COG8: variants seen among roughly 807,000 people sequenced by gnomAD.
The protein encoded by COG8 is component of oligomeric golgi complex 8, also known as conserved oligomeric Golgi complex subunit 8.
Under a neutral mutation model 46.5 loss-of-function variants are expected in COG8, and 45 were observed. That is an observed-to-expected ratio of 0.97 (90% CI 0.76 to 1.24). The LOEUF is 1.24. Among genes scored for constraint, COG8 ranks in the 50% most tolerant of loss-of-function variants. The pLI is 0.00. For missense variants in COG8, 793 were observed against 820.8 expected (o/e 0.97, Z 0.41); for synonymous variants, 407 against 347.8 (o/e 1.17, Z -1.90).
intron 5 of COG8, chr16:69,330,219 C>A (rs2011681192): frequency 2.8e-6 from 4 of 1,452,056 alleles, no homozygotes; most frequent in Non-Finnish European, 3.6e-6. Flanking sequence ...TGCCGCGGCA[C>A]CCCCAGCTGC....
rs1401929406 is a variant in COG8 at position 69,335,401 on chromosome 16, C to T, written c.586-53G>A. 5.6e-6 allele frequency: 8 copies of T among 1,420,440 alleles called. 1 individual carries two copies. In the East Asian group the frequency reaches 7.4e-5, roughly 13 times the overall value. The allele number at this position is 1,420,440 out of a possible 1,614,324, so 88.0% of individuals were successfully genotyped here. ...GCGCTGGGAAGGATGCTCTCTAGAA[C>T]CCATTCCCCTAACTCTGAAGACTGC... is the stretch of plus-strand genomic sequence containing the variant. On this transcript the variant is annotated intron_variant, in intron 2 of 5. Coordinates refer to ENST00000306875, the MANE Select transcript of COG8 (RefSeq NM_032382.5).
At chr16:69,330,107 T>C in intron 5 of COG8, 1 of 1,583,242 alleles carries the variant, frequency 6.3e-7, no homozygotes, top group Non-Finnish European at 8.6e-7. Flanking sequence ...CAGGCTGGGG[T>C]TCACGAACAC....
At chr16:69,331,453 C>CAAAAAAAA (rs1185929938) in intron 4 of COG8, among the ~76,000 whole-genome samples, 2 of 61,242 alleles carry the variant, frequency 3.3e-5, no homozygotes, top group Non-Finnish European at 5.9e-5. Context: ...AACTCCGTCT[C>CAAAAAAAA]AAAAAAAAAA....
rs778387745 is a variant in COG8 at position 69,334,530 on chromosome 16, G to A, written c.1404C>T (p.Ala468=). The change falls in exon 3 of 6, where the codon GCC becomes GCT. Residue 468 remains alanine (A), a synonymous_variant. Transcript: ENST00000306875. ...AQDVTGALED[A]LAKVTKIILA... is the part of the protein sequence containing the mutation. ...AACAGAATGTGCTCACCTTGGCAAG[G>A]GCATCTTCCAAGGCCCCAGTCACAT... 2 of 1,613,992 alleles carry A rather than the reference G, an allele frequency of 1.2e-6. No homozygotes were observed. The highest frequency in any genetic ancestry group is 1.1e-5 in the South Asian group (1 of 91,058).
intron 5 of COG8, chr16:69,330,370 C>T (rs1476966569): frequency 4.7e-6 from 7 of 1,479,370 alleles, no homozygotes; most frequent in Non-Finnish European, 6.2e-6. Context: ...CGACTTGGCA[C>T]ACGTGCGAGA....
chr16:69,328,904 A>C lies in COG8; in HGVS notation c.*302T>G. 2 of 1,341,766 alleles carry C rather than the reference A, an allele frequency of 1.5e-6. No homozygotes were observed. Among genetic ancestry groups the C allele is most frequent in the Non-Finnish European group, 2.0e-6 (2 of 990,092 alleles). 83.1% of individuals were successfully genotyped at this position (1,341,766 alleles called of 1,614,324 possible). ...CCAGCTCAGTCTGCCATGCCTTGGC[A>C]ATCCAGTTTCCTGTCATATGCGAGC... On this transcript the variant is annotated 3_prime_UTR_variant, in exon 6 of 6. Coordinates refer to ENST00000306875, the MANE Select transcript of COG8 (RefSeq NM_032382.5).
intron 2 of COG8, among the ~76,000 whole-genome samples, chr16:69,335,599 T>C (rs890226062): frequency 6.6e-6 from 1 of 152,224 alleles, no homozygotes; most frequent in East Asian, 1.9e-4. Flanking sequence ...GGCAGGTCAC[T>C]TGAGGTCAGG....
rs547719314 is a variant in COG8, at chr16:69,339,562, A to T, written c.-10T>A. 1 of 1,609,260 alleles carries T rather than the reference A, an allele frequency of 6.2e-7. No homozygotes were observed. Among genetic ancestry groups the T allele is most frequent in the East Asian group, 2.2e-5 (1 of 44,864 alleles). On this transcript the variant is annotated 5_prime_UTR_variant, in exon 1 of 6. Transcript: ENST00000306875. ...TCGCCGCGGTCGCCATCTTCCCAGC[A>T]ACAACGTCACTTCCCTTCCGGACCA... is the stretch of plus-strand genomic sequence containing the variant.
chr16:69,337,310 C>T (rs533779085), intron 1 of COG8, among the ~76,000 whole-genome samples: 2 of 151,040 alleles, frequency 1.3e-5, no homozygotes, highest in Non-Finnish European at 2.9e-5. Context: ...GTATATAGGA[C>T]CCTCCTCATA....
In COG8 at chr16:69,336,596, C is replaced by T. The variant is rs762521780; in HGVS notation, c.494G>A (p.Cys165Tyr). Residue 165 changes from cysteine to tyrosine, a missense_variant, in exon 2 of 6, where the codon TGT becomes TAT. Cys to Tyr is a radical substitution (Grantham distance 194). Coordinates refer to ENST00000306875, the MANE Select transcript of COG8 (RefSeq NM_032382.5). ...CTCTTCATAATAACTGTTCCGGACA[C>T]AGGTGTCCATGAGCTGAGGAATCTC... ...ILEIPQLMDT[C>Y]VRNSYYEEAL... The T allele has an allele frequency of 1.5e-5, 25 of 1,614,210 alleles. 1 individual carries two copies. In the South Asian group the frequency reaches 2.3e-4, roughly 15 times the overall value.
chr16:69,339,111 T>C, intron 1 of COG8, 65 bp downstream of exon 1: 2 of 1,609,554 alleles, frequency 1.2e-6, no homozygotes, highest in South Asian at 1.1e-5. Flanking sequence ...GTGTTAGTTA[T>C]TTCTACCATC....
intron 3 of COG8, among the ~76,000 whole-genome samples, chr16:69,334,190 T>C (rs941697580): frequency 1.3e-5 from 2 of 152,332 alleles, no homozygotes; most frequent in East Asian, 1.9e-4. Flanking sequence ...GAGGACCCGG[T>C]TGTGCTGTGC....
rs148297490 is a variant in COG8, at chr16:69,335,327, G to A, written c.607C>T (p.Gln203Ter). 1 of 1,603,660 alleles carries A rather than the reference G, an allele frequency of 6.2e-7. No individual in the cohort carries two copies. Among genetic ancestry groups the A allele is most frequent in the Non-Finnish European group, 8.5e-7 (1 of 1,177,796 alleles). ...VIQGIVNEVR[Q>*]SMQLMLSQLI... The stretch of plus-strand genomic sequence containing the variant: ...TGGCTCAGCATCAGCTGCATGGACT[G>A]GCGCACTTCGTTCACGATGCCCTGA... Residue 203 changes from glutamine to a stop codon, truncating the protein, a stop_gained, in exon 3 of 6, where the codon CAG (glutamine) becomes TAG (stop). Transcript: ENST00000306875. LOFTEE classifies it high-confidence loss of function.
At chr16:69,333,021 C>A (rs978847653) in intron 3 of COG8, 139 bp from the exon 4 acceptor site, 1 of 757,794 alleles carries the variant, frequency 1.3e-6, no homozygotes. Flanking sequence ...TTTACTGTCT[C>A]ATTTAAACTC....
intron 1 of COG8, among the ~76,000 whole-genome samples, chr16:69,337,797 A>G (rs1394202874): frequency 2.7e-5 from 4 of 149,534 alleles, no homozygotes; most frequent in African/African-American, 9.9e-5. Flanking sequence ...AGTGGCACGC[A>G]TCATCTTGGC....
intron 5 of COG8, chr16:69,329,893 C>T: frequency 7.5e-7 from 1 of 1,338,444 alleles, no homozygotes; most frequent in Non-Finnish European, 9.8e-7. Context: ...TTCGCTCCTG[C>T]GGGAGGTCCG....
intron 4 of COG8, 103 bp downstream of exon 4, chr16:69,332,611 G>C (rs562235477): frequency 1.6e-5 from 18 of 1,096,464 alleles, no homozygotes; most frequent in Middle Eastern, 2.6e-4. Flanking sequence ...TCTAAAATTG[G>C]ATTCATATTT....
At chr16:69,329,938 G>A (rs2072661938) in intron 5 of COG8, 8 of 1,460,240 alleles carry the variant, frequency 5.5e-6, no homozygotes, top group Non-Finnish European at 6.3e-6. Flanking sequence ...CGCTCTCGCG[G>A]AGTCGGGCAG....
chr16:69,336,937 T>A lies in COG8; in HGVS notation c.378-225A>T, dbSNP rs1244847021. Among the ~76,000 whole-genome samples the A allele has an allele frequency of 2.0e-5, 3 of 152,146 alleles. No individual in the cohort carries two copies. The East Asian group carries it at 5.8e-4, about 29-fold the overall frequency. ...AATTAATAAATCTAACAGATGGAGA[T>A]CCAGATATGCCACTTGCTGGCTGTG... On this transcript the variant is annotated intron_variant, in intron 1 of 5. Coordinates refer to ENST00000306875, the MANE Select transcript of COG8 (RefSeq NM_032382.5).
Sources: allele counts gnomAD v4.1 joint callset (sites outside exome capture counted in the v4.1 genomes callset), GRCh38; gene constraint gnomAD v4.1.1; transcripts MANE v1.5; gene names NCBI Gene and HGNC (gene_info 2026-07-23, HGNC 2026-07-21).